IMMP2L: variants seen among roughly 807,000 people sequenced by gnomAD.
The protein encoded by IMMP2L is mitochondrial inner membrane protease subunit 2.
Under a neutral mutation model 19.3 loss-of-function variants are expected in IMMP2L, and 18 were observed. The ratio of observed to expected loss-of-function variants is 0.93; its 90% CI spans 0.64 to 1.38. The LOEUF is 1.38. IMMP2L is among the 40% of genes most tolerant of loss of function. IMMP2L has a pLI of 0.00. For missense variants in IMMP2L, 233 were observed against 218.2 expected, an observed-to-expected ratio of 1.07 and a Z score of -0.43; for synonymous variants, 76 against 73.0, an observed-to-expected ratio of 1.04 and a Z score of -0.21.
rs561508388 is a variant in IMMP2L, at chr7:111,329,846, A to G, written c.239+157392T>C. On this transcript the variant is annotated intron_variant, in intron 3 of 5. Transcript: ENST00000405709. ...CAATAACAGGAGAGGGTGCTCTTGA[A>G]CTAGAAATGTTAAGCCATCCCAACA... 7.2e-5 allele frequency among the ~76,000 whole-genome samples: 11 copies of G among 152,020 alleles called. No individual in the cohort carries two copies. The South Asian group carries it at 2.3e-3, about 32-fold the overall frequency.
chr7:110,689,445 G>A lies in IMMP2L; in HGVS notation c.409-25724C>T, dbSNP rs186273176. On this transcript the variant is annotated intron_variant, in intron 5 of 5. Transcript: ENST00000405709. ...TCTCTGTACCTATTCCCAGTTTGTA[G>A]ACTGTCTTTTTACTTCTGTCTAATC... Among the ~76,000 whole-genome samples, 4 of 152,028 alleles carry A rather than the reference G, an allele frequency of 2.6e-5. No homozygotes were observed. In the East Asian group the frequency reaches 7.7e-4, roughly 29 times the overall value.
At chr7:111,346,933 CAT>C (rs1827623972) in intron 3 of IMMP2L, among the ~76,000 whole-genome samples, 1 of 152,008 alleles carries the variant, frequency 6.6e-6, no homozygotes, top group Admixed American at 6.6e-5. Flanking sequence ...GCACCTAACT[CAT>C]AGAGATGCTG....
intron 5 of IMMP2L, among the ~76,000 whole-genome samples, chr7:110,714,160 CT>C (rs541324870): frequency 6.6e-6 from 1 of 152,260 alleles, no homozygotes; most frequent in African/African-American, 2.4e-5. Flanking sequence ...TTATTGAAGG[CT>C]TTTTCCAAAT....
intron 3 of IMMP2L, among the ~76,000 whole-genome samples, chr7:111,301,904 A>G (rs1822278163): frequency 7.4e-6 from 1 of 134,582 alleles, no homozygotes; most frequent in South Asian, 2.5e-4. Context: ...AAATTACGCC[A>G]TGTCAGTTTC....
chr7:111,521,492 A>C (rs1846328075), intron 1 of IMMP2L, 43 bp from the exon 2 acceptor site: 1 of 1,553,590 alleles, frequency 6.4e-7, no homozygotes, highest in African/African-American at 1.4e-5. Context: ...GTCTCAAGAA[A>C]GGTGAAAAAC....
chr7:110,723,603 A>G (rs1029098206), intron 5 of IMMP2L, among the ~76,000 whole-genome samples: 3 of 152,208 alleles, frequency 2.0e-5, no homozygotes, highest in African/African-American at 7.2e-5. Flanking sequence ...GATGGAAAAA[A>G]GACACAGGCC....
intron 5 of IMMP2L, among the ~76,000 whole-genome samples, chr7:110,707,155 C>G: frequency 1.3e-5 from 1 of 75,136 alleles, no homozygotes; most frequent in Admixed American, 1.4e-4. Context: ...TCCCTCCCCC[C>G]TCCCCCGACC....
chr7:111,364,633 T>C (rs894891913), intron 3 of IMMP2L, among the ~76,000 whole-genome samples: 1 of 124,314 alleles, frequency 8.0e-6, no homozygotes, highest in Non-Finnish European at 1.7e-5. Context: ...AGACTCGGTC[T>C]CAAAAAAAAA....
At chr7:110,964,678 T>C (rs549979831) in intron 3 of IMMP2L, among the ~76,000 whole-genome samples, 63 of 152,176 alleles carry the variant, frequency 4.1e-4, no homozygotes, top group South Asian at 8.3e-4. Context: ...GTGAGGTCAA[T>C]AGTTTATGGT....
rs1811575663 is a variant in IMMP2L, at chr7:111,213,629, C to T, written c.240-250064G>A. Among the ~76,000 whole-genome samples, 1 of 152,166 alleles carries T rather than the reference C, an allele frequency of 6.6e-6. No homozygotes were observed. Among genetic ancestry groups the T allele is most frequent in the African/African-American group, 2.4e-5 (1 of 41,428 alleles). ...CTCTGAGGCCCACAAGAACCCCAGA[C>T]TCACCCAGACTCAAGAAATCGATGG... On this transcript the variant is annotated intron_variant, in intron 3 of 5. Coordinates refer to ENST00000405709, the MANE Select transcript of IMMP2L (RefSeq NM_032549.4). This position sits in a 1 kb window ranked among gnomAD's most constrained non-coding sequence, Gnocchi z 4.8.
intron 3 of IMMP2L, among the ~76,000 whole-genome samples, chr7:111,195,705 C>G (rs111235974): frequency 2.4e-3 from 3 of 1,236 alleles, no homozygotes; most frequent in Non-Finnish European, 0.019. Flanking sequence ...TGAGTGTCGA[C>G]GATTCTAAAA....
chr7:111,554,646 G>A (rs4398834), intron 1 of IMMP2L, among the ~76,000 whole-genome samples: 118,373 of 151,704 alleles, frequency 0.78, 47,803 homozygotes, highest in East Asian at 0.97. Flanking sequence ...TATTTGAGAT[G>A]GAGTCTTGCT....
chr7:111,529,247 G>C lies in IMMP2L; in HGVS notation c.-2-7798C>G, dbSNP rs143390769. Among the ~76,000 whole-genome samples, 483 of 152,256 alleles carry C rather than the reference G, an allele frequency of 3.2e-3. 3 individuals are homozygous for C. The highest frequency in any genetic ancestry group is 0.011 in the African/African-American group (467 of 41,554). The stretch of plus-strand genomic sequence containing the variant: ...CCCCTGGTACCAATAACCTGGCTCG[G>C]CAAACAGAGCCTAAGCATGTGAAAA... On this transcript the variant is annotated intron_variant, in intron 1 of 5. Transcript: ENST00000405709.
chr7:111,406,751 T>G (rs1267428387), intron 3 of IMMP2L, among the ~76,000 whole-genome samples: 1 of 152,080 alleles, frequency 6.6e-6, no homozygotes, highest in African/African-American at 2.4e-5. Flanking sequence ...CTCCTATCAA[T>G]TCTATATCCC....
intron 5 of IMMP2L, among the ~76,000 whole-genome samples, chr7:110,788,600 A>G (rs1209731255): frequency 6.6e-6 from 1 of 151,688 alleles, no homozygotes; most frequent in Non-Finnish European, 1.5e-5. Flanking sequence ...TGTAGCATAG[A>G]ACCCTCTTTA....
chr7:111,273,413 T>C (rs1818688598), intron 3 of IMMP2L, among the ~76,000 whole-genome samples: 1 of 151,892 alleles, frequency 6.6e-6, no homozygotes, highest in Non-Finnish European at 1.5e-5. Flanking sequence ...TTTGACATAA[T>C]AAGGAGGTTA....
chr7:110,892,712 T>G (rs1438326314), intron 4 of IMMP2L, among the ~76,000 whole-genome samples: 4 of 152,060 alleles, frequency 2.6e-5, no homozygotes. Flanking sequence ...AGAAAAAACA[T>G]GGACTACCTT....
chr7:110,825,558 A>C (rs1803405271), intron 5 of IMMP2L, among the ~76,000 whole-genome samples: 1 of 152,162 alleles, frequency 6.6e-6, no homozygotes, highest in Non-Finnish European at 1.5e-5. Context: ...CTGATCTTTG[A>C]CAAACCTGAC....
intron 5 of IMMP2L, among the ~76,000 whole-genome samples, chr7:110,806,252 G>A (rs1801626982): frequency 8.7e-6 from 1 of 115,606 alleles, no homozygotes; most frequent in Admixed American, 9.8e-5. Flanking sequence ...TTCTGGCTCT[G>A]AAGTTCTTTT....
Sources: gnomAD v4.1 joint callset for allele counts (sites outside exome capture counted in the v4.1 genomes callset) on GRCh38, gnomAD v4.1.1 for gene constraint, Gnocchi (gnomAD v3.1) non-coding constraint, MANE v1.5 for transcripts, NCBI Gene and HGNC (gene_info 2026-07-23, HGNC 2026-07-21) for gene names.